The following SUSD6 variants were observed in gnomAD, a reference collection of about 807,000 sequenced individuals.
The protein encoded by SUSD6 is sushi domain-containing protein 6.
In SUSD6, 16 loss-of-function variants were observed where a neutral mutation model predicts 28.4. That is an observed-to-expected ratio of 0.56 (90% CI 0.38 to 0.86). The LOEUF is 0.86. Ranked by LOEUF, SUSD6 falls within the 40% of genes least tolerant of loss-of-function variation. SUSD6 has a pLI of 0.00. For missense variants in SUSD6, 341 were observed against 384.2 expected (o/e 0.89, Z 0.94); for synonymous variants, 147 against 159.6 (o/e 0.92, Z 0.59).
At chr14:69,690,648 A>G (rs1036343635) in intron 2 of SUSD6, among the ~76,000 whole-genome samples, 4 of 152,286 alleles carry the variant, frequency 2.6e-5, no homozygotes, top group African/African-American at 9.6e-5. Flanking sequence ...AGAAGTGCAA[A>G]GGAAACCAAG....
At chr14:69,662,126 C>T (rs61980736) in intron 2 of SUSD6, among the ~76,000 whole-genome samples, 2 of 152,124 alleles carry the variant, frequency 1.3e-5, no homozygotes, top group East Asian at 3.9e-4. Context: ...TGCTCCTGAA[C>T]ACCCACTTCA....
chr14:69,683,902 T>C (rs984250826), intron 2 of SUSD6, among the ~76,000 whole-genome samples: 10 of 152,162 alleles, frequency 6.6e-5, no homozygotes, highest in Admixed American at 5.2e-4. Flanking sequence ...GAGGGGAAAA[T>C]GGCCTGGTAG....
intron 2 of SUSD6, among the ~76,000 whole-genome samples, chr14:69,671,932 C>T (rs1429916411): frequency 6.6e-6 from 1 of 152,024 alleles, no homozygotes; most frequent in Non-Finnish European, 1.5e-5. Flanking sequence ...CAGACCCTGG[C>T]CTTGGAGGAA....
chr14:69,657,809 C>T (rs1885605689), intron 1 of SUSD6, among the ~76,000 whole-genome samples: 1 of 152,190 alleles, frequency 6.6e-6, no homozygotes, highest in South Asian at 2.1e-4. Context: ...CTCTCTGTCT[C>T]TCTACTGGTT....
chr14:69,695,442 C>T (rs763536590), intron 2 of SUSD6, among the ~76,000 whole-genome samples: 10 of 152,208 alleles, frequency 6.6e-5, no homozygotes, highest in South Asian at 2.1e-4. Flanking sequence ...TAGTGAGGCC[C>T]GCCAACTTTA....
intron 1 of SUSD6, among the ~76,000 whole-genome samples, chr14:69,617,812 G>GGAGT (rs1471876763): frequency 6.6e-6 from 1 of 152,194 alleles, no homozygotes; most frequent in African/African-American, 2.4e-5. Flanking sequence ...GCTAGGTTGG[G>GGAGT]GAGTGGAATG....
intron 2 of SUSD6, among the ~76,000 whole-genome samples, chr14:69,678,933 C>T (rs763881765): frequency 1.5e-4 from 23 of 152,164 alleles, no homozygotes; most frequent in Non-Finnish European, 2.2e-4. Context: ...AGGAGAGTTC[C>T]GGATTGTTGG....
At chr14:69,688,004 C>T (rs1021216771) in intron 2 of SUSD6, among the ~76,000 whole-genome samples, 2 of 151,954 alleles carry the variant, frequency 1.3e-5, no homozygotes, top group African/African-American at 2.4e-5. Context: ...CTTCTGTGTA[C>T]ACACACATTG....
chr14:69,626,492 A>G (rs1209787851), intron 1 of SUSD6, among the ~76,000 whole-genome samples: 1 of 151,854 alleles, frequency 6.6e-6, no homozygotes, highest in Non-Finnish European at 1.5e-5. Flanking sequence ...TCCTTTTCCA[A>G]ATTTGCGTTT....
intron 1 of SUSD6, among the ~76,000 whole-genome samples, chr14:69,620,769 A>T (rs914887777): frequency 4.6e-5 from 7 of 152,170 alleles, no homozygotes. Flanking sequence ...TTCTTGCTTT[A>T]TTTAATCAAC....
At chr14:69,656,534 A>G (rs1334870354) in intron 1 of SUSD6, among the ~76,000 whole-genome samples, 1 of 152,172 alleles carries the variant, frequency 6.6e-6, no homozygotes, top group African/African-American at 2.4e-5. Flanking sequence ...TTAATTTGGC[A>G]TCTGTCAAAT....
intron 1 of SUSD6, among the ~76,000 whole-genome samples, chr14:69,631,863 A>G (rs370576287): frequency 6.6e-6 from 1 of 152,184 alleles, no homozygotes. Context: ...TAGTTTTCTG[A>G]GGCCCCTGTG....
chr14:69,624,492 G>C (rs533079095), intron 1 of SUSD6, among the ~76,000 whole-genome samples: 1 of 135,112 alleles, frequency 7.4e-6, no homozygotes, highest in Non-Finnish European at 1.6e-5. Flanking sequence ...CGGTCTTGTT[G>C]CCCAGGCTGG....
chr14:69,614,163 G>A (rs113420218), intron 1 of SUSD6, among the ~76,000 whole-genome samples: 32,471 of 152,110 alleles, frequency 0.21, 3,875 homozygotes, highest in African/African-American at 0.3. Flanking sequence ...CACCTCCCAG[G>A]TTCAAACGAT....
chr14:69,707,489 C>T (rs998697598), intron 4 of SUSD6, among the ~76,000 whole-genome samples: 8 of 152,242 alleles, frequency 5.3e-5, no homozygotes, highest in African/African-American at 1.9e-4. Context: ...TGTCCAGGCA[C>T]AGTGGCTCAC....
intron 1 of SUSD6, among the ~76,000 whole-genome samples, chr14:69,650,902 G>T: frequency 6.6e-6 from 1 of 152,196 alleles, no homozygotes. Context: ...AATGCAGAGG[G>T]ATATGGATGG....
chr14:69,695,374 T>C (rs900138037), intron 2 of SUSD6, among the ~76,000 whole-genome samples: 14 of 152,200 alleles, frequency 9.2e-5, no homozygotes, highest in African/African-American at 3.4e-4. Flanking sequence ...CCTCACACCT[T>C]GTGCTGTATC....
intron 4 of SUSD6, among the ~76,000 whole-genome samples, chr14:69,708,091 A>T (rs1594725571): frequency 6.6e-6 from 1 of 152,376 alleles, no homozygotes; most frequent in East Asian, 1.9e-4. Flanking sequence ...ACTTTTAAAA[A>T]AAGCAGTATG....
intron 2 of SUSD6, among the ~76,000 whole-genome samples, chr14:69,660,397 A>G (rs1171333787): frequency 1.3e-5 from 2 of 152,158 alleles, no homozygotes; most frequent in African/African-American, 4.8e-5. Context: ...CCCCCTAGGC[A>G]TGAGGAGCCC....
Sources: allele counts gnomAD v4.1 joint callset (sites outside exome capture counted in the v4.1 genomes callset), GRCh38; gene constraint gnomAD v4.1.1; transcripts MANE v1.5; gene names NCBI Gene and HGNC (gene_info 2026-07-23, HGNC 2026-07-21).